The following F13A1 variants were observed in gnomAD, a reference collection of about 807,000 sequenced individuals.
The protein encoded by F13A1 is coagulation factor XIII A chain, also known as FSF, A subunit.
F13A1 carries 47 observed loss-of-function variants against 80.1 expected under a neutral mutation model. That is an observed-to-expected ratio of 0.59 (90% CI 0.46 to 0.75). The LOEUF (loss-of-function observed/expected upper bound fraction) is 0.75. Ranked by LOEUF, F13A1 falls within the 30% of genes least tolerant of loss-of-function variation. The pLI is 0.00. For synonymous variants in F13A1, 349 were observed against 344.9 expected (o/e 1.01, Z -0.13); for missense variants, 817 against 930.4 (o/e 0.88, Z 1.59).
chr6:6,294,764 T>C (rs1758294825), intron 3 of F13A1, among the ~76,000 whole-genome samples: 1 of 151,860 alleles, frequency 6.6e-6, no homozygotes, highest in Non-Finnish European at 1.5e-5. Flanking sequence ...ATTATAATAC[T>C]TTAAGTTTTA....
At chr6:6,298,674 C>A (rs1235893250) in intron 3 of F13A1, among the ~76,000 whole-genome samples, 1 of 149,732 alleles carries the variant, frequency 6.7e-6, no homozygotes, top group Non-Finnish European at 1.5e-5. Context: ...CTGAATACAG[C>A]ACACTGATGG....
In F13A1 at chr6:6,231,708, A is replaced by T. The variant is rs114172471; in HGVS notation, c.799-6848T>A. 6.2e-3 allele frequency among the ~76,000 whole-genome samples: 937 copies of T among 152,346 alleles called. 17 individuals carry two copies. The highest frequency in any genetic ancestry group is 0.021 in the African/African-American group (875 of 41,582). ...TCAGGTAACCTATAAAAGAAAACCT[A>T]TCAGATGAACAGCAAATTTCTCAGC... On this transcript the variant is annotated intron_variant, in intron 6 of 14. Transcript: ENST00000264870.
chr6:6,148,475 C>A (rs1258806564), intron 14 of F13A1, among the ~76,000 whole-genome samples: 5 of 152,188 alleles, frequency 3.3e-5, no homozygotes, highest in African/African-American at 9.6e-5. Context: ...GATTCCCCAA[C>A]TATTTAAGAG....
At chr6:6,176,781 C>T (rs1354148382) in intron 11 of F13A1, among the ~76,000 whole-genome samples, 1 of 152,184 alleles carries the variant, frequency 6.6e-6, no homozygotes, top group Non-Finnish European at 1.5e-5. Flanking sequence ...TGCATTGAGG[C>T]AAAATGCAGG....
intron 6 of F13A1, among the ~76,000 whole-genome samples, chr6:6,233,557 C>T (rs561427097): frequency 1.3e-5 from 2 of 152,166 alleles, no homozygotes; most frequent in South Asian, 4.2e-4. Context: ...GACACTATTC[C>T]ACAAGATAGA....
intron 10 of F13A1, among the ~76,000 whole-genome samples, chr6:6,189,679 G>T (rs981916908): frequency 9.0e-5 from 13 of 144,774 alleles, no homozygotes; most frequent in Admixed American, 4.2e-4. Context: ...TTTCAACTTT[G>T]GTGAATCTGA....
At chr6:6,182,435 G>A (rs1761004936) in intron 10 of F13A1, among the ~76,000 whole-genome samples, 1 of 152,186 alleles carries the variant, frequency 6.6e-6, no homozygotes, top group African/African-American at 2.4e-5. Context: ...CCTCTCACAG[G>A]AGAGAAGACA....
intron 8 of F13A1, among the ~76,000 whole-genome samples, chr6:6,208,848 C>T (rs1761544759): frequency 6.6e-6 from 1 of 152,046 alleles, no homozygotes; most frequent in African/African-American, 2.4e-5. Context: ...CAAAATGAAT[C>T]CCAGACCTAG....
At chr6:6,186,283 A>G (rs1761078982) in intron 10 of F13A1, among the ~76,000 whole-genome samples, 1 of 151,874 alleles carries the variant, frequency 6.6e-6, no homozygotes, top group Admixed American at 6.6e-5. Flanking sequence ...TGTTTTAGAC[A>G]TGAAGTCCTT....
chr6:6,290,254 T>C (rs1758204902), intron 3 of F13A1, among the ~76,000 whole-genome samples: 1 of 152,244 alleles, frequency 6.6e-6, no homozygotes, highest in Non-Finnish European at 1.5e-5. Flanking sequence ...TTAATAGTTA[T>C]TTCAATGTTT....
chr6:6,164,850 C>A (rs890720686), intron 13 of F13A1, among the ~76,000 whole-genome samples: 1 of 151,256 alleles, frequency 6.6e-6, no homozygotes, highest in African/African-American at 2.4e-5. Flanking sequence ...CTTCCCCTCC[C>A]TCCTTCCCTC....
intron 4 of F13A1, among the ~76,000 whole-genome samples, chr6:6,258,025 G>T (rs184548663): frequency 5.3e-5 from 8 of 151,856 alleles, no homozygotes; most frequent in Admixed American, 2.6e-4. Context: ...ATTTATTTAT[G>T]TATTTATTTA....
Position 6,197,238 on chromosome 6 carries a change from G to T in F13A1, c.1201C>A (p.Gln401Lys). 1 of 1,613,436 alleles carries T rather than the reference G, an allele frequency of 6.2e-7. No homozygotes were observed. The highest frequency in any genetic ancestry group is 8.5e-7 in the Non-Finnish European group (1 of 1,179,420). The change falls in exon 9 of 15, where the codon CAG becomes AAG. Residue 401 changes from glutamine (Q) to lysine (K), a missense_variant. Physicochemically the swap from Gln to Lys is moderately conservative, Grantham distance 53. Coordinates refer to ENST00000264870, the MANE Select transcript of F13A1 (RefSeq NM_000129.4). ...GGWQAVDSTPQENSDGMYRCG... is the reference protein window; with the variant it reads ...GGWQAVDSTPKENSDGMYRCG... Reference sequence around the variant, plus strand: ...ACAGTTTTACCATCGCTATTTTCCTGGGGGGTGCTGTCCACAGCTTGCCAG... The same window carrying T: ...ACAGTTTTACCATCGCTATTTTCCTTGGGGGTGCTGTCCACAGCTTGCCAG...
At chr6:6,241,581 G>A (rs930962837) in intron 6 of F13A1, among the ~76,000 whole-genome samples, 3 of 152,116 alleles carry the variant, frequency 2.0e-5, no homozygotes, top group Non-Finnish European at 4.4e-5. Flanking sequence ...AAATGCCAAG[G>A]ACAATGCCCA....
intron 4 of F13A1, among the ~76,000 whole-genome samples, chr6:6,253,084 A>C (rs1409766015): frequency 6.9e-6 from 1 of 144,462 alleles, no homozygotes; most frequent in East Asian, 2.1e-4. Flanking sequence ...GCTTGAGCCC[A>C]GGAGGCCGAG....
In F13A1 at chr6:6,297,188, A is replaced by G. The variant is rs1026963354; in HGVS notation, c.319+8163T>C. ...GGATTTTTGCATCAATGTTCATCAAAGATATTGGTCTAAAATTCTCTTTTT... is the reference window on the plus strand; with the variant it reads ...GGATTTTTGCATCAATGTTCATCAAGGATATTGGTCTAAAATTCTCTTTTT... On this transcript the variant is annotated intron_variant, in intron 3 of 14. Coordinates refer to ENST00000264870, the MANE Select transcript of F13A1 (RefSeq NM_000129.4). 3.1e-4 allele frequency among the ~76,000 whole-genome samples: 47 copies of G among 151,228 alleles called. 1 individual carries two copies. The highest frequency in any genetic ancestry group is 1.1e-3 in the African/African-American group (45 of 40,572).
intron 3 of F13A1, among the ~76,000 whole-genome samples, chr6:6,278,981 G>C (rs1351360657): frequency 6.6e-6 from 1 of 152,116 alleles, no homozygotes; most frequent in African/African-American, 2.4e-5. Flanking sequence ...TTGCTTGTTG[G>C]TAATGAAAAT....
intron 13 of F13A1, among the ~76,000 whole-genome samples, chr6:6,154,328 T>C (rs1372362520): frequency 6.6e-6 from 1 of 152,120 alleles, no homozygotes; most frequent in African/African-American, 2.4e-5. Context: ...GGCTGGCACA[T>C]GGGGTGTGGA....
At chr6:6,266,496 G>C in intron 4 of F13A1, 62 bp downstream of exon 4, 2 of 1,613,436 alleles carry the variant, frequency 1.2e-6, no homozygotes, top group Non-Finnish European at 1.7e-6. Context: ...ATAGGCATGT[G>C]CCATGGCACC....
Sources: allele counts gnomAD v4.1 joint callset (sites outside exome capture counted in the v4.1 genomes callset), GRCh38; gene constraint gnomAD v4.1.1; transcripts MANE v1.5; gene names NCBI Gene and HGNC (gene_info 2026-07-23, HGNC 2026-07-21).